Variants in JMJD1C observed in about 807,000 individuals in gnomAD.
JMJD1C encodes jumonji domain-containing protein 1C.
In JMJD1C, 31 loss-of-function variants were observed where a neutral mutation model predicts 245.3. That is an observed-to-expected ratio of 0.13 (90% CI 0.09 to 0.17). The LOEUF is 0.17. JMJD1C is among the 10% of genes least tolerant of loss of function. JMJD1C has a pLI of 1.00. For missense variants in JMJD1C, 2,691 were observed against 3,000.2 expected (o/e 0.90, Z 2.41); for synonymous variants, 1,057 against 1,017.4 (o/e 1.04, Z -0.74).
At chr10:63,344,132 C>T (rs1410595748) in intron 2 of JMJD1C, among the ~76,000 whole-genome samples, 1 of 152,204 alleles carries the variant, frequency 6.6e-6, no homozygotes, top group Non-Finnish European at 1.5e-5. Context: ...TAGGCCTTCA[C>T]ATTCTCTTCC....
chr10:63,345,313 C>T (rs930772198), intron 2 of JMJD1C, among the ~76,000 whole-genome samples: 3 of 151,900 alleles, frequency 2.0e-5, no homozygotes, highest in South Asian at 2.1e-4. Flanking sequence ...ATGGTGAAAC[C>T]CTGTCTCTAC....
At chr10:63,408,656 T>C (rs144062044) in intron 1 of JMJD1C, among the ~76,000 whole-genome samples, 1 of 151,872 alleles carries the variant, frequency 6.6e-6, no homozygotes, top group East Asian at 1.9e-4. Flanking sequence ...AGTTTGAGAG[T>C]AGAATTAAGA....
chr10:63,461,428 C>T (rs921151623), intron 1 of JMJD1C, among the ~76,000 whole-genome samples: 1 of 152,042 alleles, frequency 6.6e-6, no homozygotes, highest in Non-Finnish European at 1.5e-5. Context: ...AAATGTAATG[C>T]TACCAACTAA....
At chr10:63,465,306 G>C in intron 1 of JMJD1C, 189 bp downstream of exon 1, 2 of 645,038 alleles carry the variant, frequency 3.1e-6, no homozygotes, top group South Asian at 3.9e-5. Context: ...CACCTCCACA[G>C]GGGAAGCCGC....
chr10:63,204,257 A>G, intron 10 of JMJD1C: 1 of 985,392 alleles, frequency 1.0e-6, no homozygotes, highest in East Asian at 1.1e-4. Flanking sequence ...AATGGGTCAT[A>G]AAACAGCCTC....
chr10:63,516,459 T>A (rs538515587), intron 1 of JMJD1C, among the ~76,000 whole-genome samples: 40 of 152,336 alleles, frequency 2.6e-4, no homozygotes, highest in Admixed American at 8.5e-4. Flanking sequence ...CACAACCCCA[T>A]ATGCACCTGA....
chr10:63,402,808 A>AT (rs1308541838), intron 1 of JMJD1C, among the ~76,000 whole-genome samples: 1 of 152,202 alleles, frequency 6.6e-6, no homozygotes, highest in Non-Finnish European at 1.5e-5. Context: ...ACCTCAAAAA[A>AT]GATGTCAAAT....
At chr10:63,474,120 A>G (rs1953583715) in intron 1 of JMJD1C, among the ~76,000 whole-genome samples, 1 of 151,982 alleles carries the variant, frequency 6.6e-6, no homozygotes, top group Non-Finnish European at 1.5e-5. Flanking sequence ...ATAAATAAAT[A>G]AATAAATAAC....
At chr10:63,209,680 T>G (rs1421773665) in intron 8 of JMJD1C, among the ~76,000 whole-genome samples, 1 of 152,236 alleles carries the variant, frequency 6.6e-6, no homozygotes, top group Non-Finnish European at 1.5e-5. Flanking sequence ...AAAATTTAAC[T>G]TTTCCAATGT....
chr10:63,286,876 T>C (rs965392638), intron 2 of JMJD1C, among the ~76,000 whole-genome samples: 2 of 152,204 alleles, frequency 1.3e-5, no homozygotes, highest in Non-Finnish European at 2.9e-5. Flanking sequence ...TAGTTTCTTC[T>C]TGATGCTTAA....
intron 1 of JMJD1C, among the ~76,000 whole-genome samples, chr10:63,495,067 C>T (rs1430485240): frequency 1.3e-5 from 2 of 152,038 alleles, no homozygotes; most frequent in Non-Finnish European, 2.9e-5. Context: ...TATATCTATT[C>T]CTCCAAGTGC....
chr10:63,259,132 T>C (rs1321812221), intron 3 of JMJD1C, among the ~76,000 whole-genome samples: 7 of 152,210 alleles, frequency 4.6e-5, no homozygotes, highest in Non-Finnish European at 8.8e-5. Context: ...GGAAGTTCTG[T>C]TTACTTCTTT....
At chr10:63,345,246 T>G (rs1266986731) in intron 2 of JMJD1C, among the ~76,000 whole-genome samples, 2 of 152,084 alleles carry the variant, frequency 1.3e-5, no homozygotes, top group East Asian at 3.8e-4. Context: ...CAATACTTTG[T>G]GAGGCCGAGG....
intron 24 of JMJD1C, among the ~76,000 whole-genome samples, chr10:63,171,467 G>A (rs1387638091): frequency 2.0e-5 from 3 of 152,182 alleles, no homozygotes; most frequent in Non-Finnish European, 2.9e-5. Context: ...GTTTGGCTCT[G>A]GCAATGGTCA....
intron 13 of JMJD1C, among the ~76,000 whole-genome samples, chr10:63,196,302 C>T (rs1845453574): frequency 6.6e-6 from 1 of 151,686 alleles, no homozygotes; most frequent in Admixed American, 6.6e-5. Flanking sequence ...ATCAACAATA[C>T]AACAATTTAC....
intron 1 of JMJD1C, among the ~76,000 whole-genome samples, chr10:63,462,621 G>C (rs1003853964): frequency 6.6e-6 from 1 of 152,164 alleles, no homozygotes; most frequent in Non-Finnish European, 1.5e-5. Flanking sequence ...GGAAGCAGGA[G>C]AGTTAGAAGG....
chr10:63,357,264 A>T (rs1430168970), intron 2 of JMJD1C, among the ~76,000 whole-genome samples: 4 of 151,766 alleles, frequency 2.6e-5, no homozygotes, highest in Admixed American at 6.6e-5. Context: ...CAATCTCTTG[A>T]CCTCATGGTC....
chr10:63,349,099 T>C (rs1386326101), intron 2 of JMJD1C, among the ~76,000 whole-genome samples: 2 of 4,352 alleles, frequency 4.6e-4, no homozygotes, highest in Non-Finnish European at 8.4e-4. Flanking sequence ...AGACTCTGTC[T>C]CAAAAAAAAA....
intron 3 of JMJD1C, among the ~76,000 whole-genome samples, chr10:63,242,561 T>C (rs1177948534): frequency 6.6e-6 from 1 of 151,950 alleles, no homozygotes; most frequent in Non-Finnish European, 1.5e-5. Flanking sequence ...CCCTGTCTCT[T>C]CTAAAAATAC....
Sources: gnomAD v4.1 joint callset for allele counts (sites outside exome capture counted in the v4.1 genomes callset) on GRCh38, gnomAD v4.1.1 for gene constraint, MANE v1.5 for transcripts, NCBI Gene and HGNC (gene_info 2026-07-23, HGNC 2026-07-21) for gene names.